The following ARHGAP26 variants were observed in gnomAD, a reference collection of about 807,000 sequenced individuals.
The protein encoded by ARHGAP26 is rho GTPase-activating protein 26.
Under a neutral mutation model 104.8 loss-of-function variants are expected in ARHGAP26, and 38 were observed. The observed-to-expected ratio is 0.36, with a 90% confidence interval of 0.28 to 0.48. ARHGAP26 has a LOEUF of 0.48. Among genes scored for constraint, ARHGAP26 ranks in the 20% least tolerant of loss-of-function variants. The pLI is 0.99. For missense variants in ARHGAP26, 704 were observed against 947.9 expected, an observed-to-expected ratio of 0.74 and a Z score of 3.38; for synonymous variants, 341 against 340.0, an observed-to-expected ratio of 1.00 and a Z score of -0.03.
chr5:143,092,442 G>A (rs1250290163), intron 17 of ARHGAP26, among the ~76,000 whole-genome samples: 1 of 152,120 alleles, frequency 6.6e-6, no homozygotes, highest in Non-Finnish European at 1.5e-5. Context: ...GGGATTACAG[G>A]CGTGAGCCAC....
intron 1 of ARHGAP26, among the ~76,000 whole-genome samples, chr5:142,810,974 A>G (rs947878754): frequency 6.6e-6 from 1 of 152,214 alleles, no homozygotes; most frequent in Non-Finnish European, 1.5e-5. Flanking sequence ...AGTCAGATGA[A>G]TAAATCTACC....
chr5:143,158,145 C>A (rs1211961448), intron 20 of ARHGAP26, among the ~76,000 whole-genome samples: 2 of 152,110 alleles, frequency 1.3e-5, no homozygotes, highest in Non-Finnish European at 2.9e-5. Context: ...AATGAACAAA[C>A]CCCTAGTGTT....
intron 2 of ARHGAP26, chr5:142,874,809 C>T (rs535137374): frequency 1.1e-5 from 3 of 277,152 alleles, no homozygotes; most frequent in African/African-American, 6.6e-5. Flanking sequence ...TCTGCCCCTT[C>T]CAGCCCGGGG....
chr5:142,781,965 T>C (rs980491237), intron 1 of ARHGAP26, among the ~76,000 whole-genome samples: 3 of 152,358 alleles, frequency 2.0e-5, no homozygotes, highest in South Asian at 4.1e-4. Context: ...TCTGCCCGCC[T>C]TGGCCTCCCA....
chr5:143,036,482 C>T (rs1782663720), intron 12 of ARHGAP26, among the ~76,000 whole-genome samples: 1 of 152,166 alleles, frequency 6.6e-6, no homozygotes, highest in Non-Finnish European at 1.5e-5. Context: ...CATGCTGCTT[C>T]CTTTGGTAGT....
chr5:142,775,784 A>G lies in ARHGAP26; in HGVS notation c.154+4869A>G, dbSNP rs1187653003. On this transcript the variant is annotated intron_variant, in intron 1 of 22. Transcript: ENST00000645722. ...AGCAAAATATTTTCAAGGTTCATCCATGTTAATAGCATGTGTTAGGATTTC... is the reference window on the plus strand; with the variant it reads ...AGCAAAATATTTTCAAGGTTCATCCGTGTTAATAGCATGTGTTAGGATTTC... Among the ~76,000 whole-genome samples the G allele has an allele frequency of 2.0e-5, 3 of 152,382 alleles. No homozygotes were observed. The East Asian group carries it at 5.8e-4, about 29-fold the overall frequency.
chr5:142,820,172 G>A (rs1765840971), intron 1 of ARHGAP26, among the ~76,000 whole-genome samples: 1 of 152,158 alleles, frequency 6.6e-6, no homozygotes, highest in Non-Finnish European at 1.5e-5. Context: ...AGTGCAGGTG[G>A]TTCTCAGACC....
Position 142,913,228 on chromosome 5 carries a change from C to T in ARHGAP26, c.963C>T (p.Ser321=), listed in dbSNP as rs986307290. The change falls in exon 10 of 23, where the codon TCC becomes TCT. Residue 321 remains serine, a synonymous_variant. Coordinates refer to ENST00000645722, the MANE Select transcript of ARHGAP26 (RefSeq NM_001135608.3). ...AAGATGAATCAGTTATCCTCAAATC[C>T]TGCACACGGCGGAAAACAGACTCCA... ...GGEDESVILK[S]CTRRKTDSIE... 3.1e-6 allele frequency: 5 copies of T among 1,614,150 alleles called. No homozygotes were observed. Among genetic ancestry groups the T allele is most frequent in the Non-Finnish European group, 4.2e-6 (5 of 1,179,994 alleles).
intron 11 of ARHGAP26, among the ~76,000 whole-genome samples, chr5:143,006,316 CTTTTTTT>C (rs34154406): frequency 1.8e-5 from 2 of 112,874 alleles, no homozygotes; most frequent in Middle Eastern, 4.1e-3. Flanking sequence ...AGTGTTTTTT[CTTTTTTT>C]TTTTTTTTTT....
intron 11 of ARHGAP26, among the ~76,000 whole-genome samples, chr5:142,942,803 CAG>C (rs572685719): frequency 3.5e-4 from 53 of 152,112 alleles, no homozygotes; most frequent in Non-Finnish European, 6.9e-4. Flanking sequence ...GTTTTGGAGA[CAG>C]AGTCTCACTC....
At chr5:143,208,709 T>C (rs1481355798) in intron 21 of ARHGAP26, among the ~76,000 whole-genome samples, 1 of 152,180 alleles carries the variant, frequency 6.6e-6, no homozygotes, top group African/African-American at 2.4e-5. Context: ...AACCCCAACT[T>C]TGAGTTTCCG....
Position 142,990,998 on chromosome 5 carries a change from A to G in ARHGAP26, c.1108-23082A>G, listed in dbSNP as rs1179884173. Among the ~76,000 whole-genome samples the G allele has an allele frequency of 2.6e-5, 4 of 152,230 alleles. No individual in the cohort carries two copies. In the East Asian group the frequency reaches 5.8e-4, roughly 22 times the overall value. On this transcript the variant is annotated intron_variant, in intron 11 of 22. Coordinates refer to ENST00000645722, the MANE Select transcript of ARHGAP26 (RefSeq NM_001135608.3). ...ACTACTCTCTTCAAAGCTGTCAGAT[A>G]GGGATGTTTAAGTCTGCAGAAGTTT...
chr5:142,778,516 T>C (rs1435787142), intron 1 of ARHGAP26, among the ~76,000 whole-genome samples: 1 of 152,256 alleles, frequency 6.6e-6, no homozygotes. Flanking sequence ...ATCATTTGTC[T>C]TGAAGACCTT....
chr5:142,947,667 T>C (rs1482502165), intron 11 of ARHGAP26, among the ~76,000 whole-genome samples: 1 of 152,148 alleles, frequency 6.6e-6, no homozygotes, highest in Non-Finnish European at 1.5e-5. Context: ...AATTGAGTGG[T>C]TTTCTGTTAA....
chr5:142,863,693 G>A (rs1753766371), intron 1 of ARHGAP26, among the ~76,000 whole-genome samples: 1 of 152,124 alleles, frequency 6.6e-6, no homozygotes, highest in Non-Finnish European at 1.5e-5. Context: ...AGGGTGTGGT[G>A]CCTGGATCAG....
chr5:142,824,567 C>G (rs1766848264), intron 1 of ARHGAP26, among the ~76,000 whole-genome samples: 1 of 152,148 alleles, frequency 6.6e-6, no homozygotes, highest in Admixed American at 6.5e-5. Flanking sequence ...CTTCTTGCCC[C>G]TGGTGCCAGG....
rs1003403711 is a variant in ARHGAP26, at chr5:142,976,766, A to T, written c.1108-37314A>T. On this transcript the variant is annotated intron_variant, in intron 11 of 22. Coordinates refer to ENST00000645722, the MANE Select transcript of ARHGAP26 (RefSeq NM_001135608.3). ...GGAATTTCAACTCTTAAAAGCGAGC[A>T]TATCAACTTAAATAGTATGTGAACT... is the stretch of plus-strand genomic sequence containing the variant. Among the ~76,000 whole-genome samples, 4 of 152,256 alleles carry T rather than the reference A, an allele frequency of 2.6e-5. No individual in the cohort carries two copies. The East Asian group carries it at 5.8e-4, about 22-fold the overall frequency.
At chr5:142,920,057 G>C (rs1182779837) in intron 10 of ARHGAP26, among the ~76,000 whole-genome samples, 1 of 152,102 alleles carries the variant, frequency 6.6e-6, no homozygotes, top group Non-Finnish European at 1.5e-5. Context: ...GCATTCTTGG[G>C]TGCTTTTGTA....
intron 1 of ARHGAP26, among the ~76,000 whole-genome samples, chr5:142,858,114 A>AGTGTGT (rs72141550): frequency 7.1e-6 from 1 of 140,896 alleles, no homozygotes; most frequent in Non-Finnish European, 1.6e-5. Context: ...AGAGAGAGGG[A>AGTGTGT]GTGTGTGTGT....
Sources: gnomAD v4.1 joint callset for allele counts (sites outside exome capture counted in the v4.1 genomes callset) on GRCh38, gnomAD v4.1.1 for gene constraint, MANE v1.5 for transcripts, NCBI Gene and HGNC (gene_info 2026-07-23, HGNC 2026-07-21) for gene names.